The following DISC1 variants were observed in gnomAD, a reference collection of about 807,000 sequenced individuals.
DISC1 encodes the protein disrupted in schizophrenia 1 protein.
Under a neutral mutation model 84.5 loss-of-function variants are expected in DISC1, and 57 were observed. That is an observed-to-expected ratio of 0.67 (90% CI 0.55 to 0.84). The LOEUF (loss-of-function observed/expected upper bound fraction) is 0.84, where lower values mean the gene tolerates loss of function less well. Ranked by LOEUF, DISC1 falls within the 40% of genes least tolerant of loss-of-function variation. DISC1 has a pLI of 0.00. For synonymous variants in DISC1, 411 were observed against 415.2 expected (o/e 0.99, Z 0.12); for missense variants, 1,000 against 1,057.8 (o/e 0.95, Z 0.76).
Position 231,803,938 on chromosome 1 carries a change from C to T in DISC1, c.1792+3728C>T, listed in dbSNP as rs2079494975. On this transcript the variant is annotated intron_variant, in intron 8 of 12. Transcript: ENST00000439617. ...CTCCAGCCTGGGTGACAGAGCAAGA[C>T]TCCGTCTCAAAAAAAAAAAAAAAAA... 4.2e-5 allele frequency among the ~76,000 whole-genome samples: 4 copies of T among 95,492 alleles called. No individual in the cohort carries two copies. The Admixed American group carries it at 7.4e-4, about 18-fold the overall frequency. 62.6% of individuals were successfully genotyped at this position (95,492 alleles called of 152,430 possible).
chr1:231,787,003 C>T (rs1028756083), intron 6 of DISC1, among the ~76,000 whole-genome samples: 3 of 152,228 alleles, frequency 2.0e-5, no homozygotes, highest in African/African-American at 7.2e-5. Flanking sequence ...AGGACAGAGC[C>T]CTCTAATGTG....
intron 9 of DISC1, chr1:231,819,135 A>G (rs922061248): frequency 6.4e-5 from 63 of 986,174 alleles, no homozygotes; most frequent in Non-Finnish European, 7.3e-5. Context: ...ACGCTGGTTC[A>G]GTGCAAATTG....
intron 1 of DISC1, among the ~76,000 whole-genome samples, chr1:231,658,365 A>G (rs920761948): frequency 6.6e-6 from 1 of 152,328 alleles, no homozygotes; most frequent in Non-Finnish European, 1.5e-5. Context: ...TTATCAGCTT[A>G]AAAAGCTTTT....
At position 231,770,929 on chromosome 1, in the gene DISC1, A is replaced by C; in HGVS notation, c.1493A>C (p.Gln498Pro). Residue 498 changes from glutamine (Q) to proline (P), a missense_variant, in exon 6 of 13, where the codon CAG (glutamine) becomes CCG (proline). Gln to Pro is a moderately conservative substitution (Grantham distance 76). Around this residue, in one of 3 missense-constraint regions of DISC1, gnomAD observed 311 missense variants for 400.1 expected, o/e 0.78. Coordinates refer to ENST00000439617, the MANE Select transcript of DISC1 (RefSeq NM_018662.3). ...REIEEQEQQL[Q>P]WQGCDLTPLV... Reference sequence around the variant, plus strand: ...ATAGAGGAGCAAGAGCAGCAACTCCAGTGGCAGGGCTGCGACCTGACCCCA... The same window carrying C: ...ATAGAGGAGCAAGAGCAGCAACTCCCGTGGCAGGGCTGCGACCTGACCCCA... 1 of 1,614,222 alleles carries C rather than the reference A, an allele frequency of 6.2e-7. No individual in the cohort carries two copies.
chr1:231,678,235 G>T (rs1370459406), intron 1 of DISC1, among the ~76,000 whole-genome samples: 2 of 152,170 alleles, frequency 1.3e-5, no homozygotes, highest in Admixed American at 1.3e-4. Flanking sequence ...TAACAGAGGG[G>T]GATGGTCAGT....
chr1:231,719,569 A>G (rs114920984), intron 3 of DISC1, among the ~76,000 whole-genome samples: 5,257 of 152,248 alleles, frequency 0.035, 154 homozygotes, highest in African/African-American at 0.074. Flanking sequence ...ATAAAATGGG[A>G]TAATAGGGTT....
At chr1:231,737,420 A>C (rs528076824) in intron 3 of DISC1, among the ~76,000 whole-genome samples, 1 of 152,380 alleles carries the variant, frequency 6.6e-6, no homozygotes, top group Admixed American at 6.5e-5. Flanking sequence ...TATGTGCAGT[A>C]CACTTGTCAG....
At position 231,661,949 on chromosome 1, in the gene DISC1, T is replaced by C. The variant is rs114385644; in HGVS notation, c.68-31877T>C. ...GGGATTCTTTTTGTTGATCTTTTTGTTGTTGTTGTTTTCTGTTTGTTTTTC... is the reference window on the plus strand; with the variant it reads ...GGGATTCTTTTTGTTGATCTTTTTGCTGTTGTTGTTTTCTGTTTGTTTTTC... On this transcript the variant is annotated intron_variant, in intron 1 of 12. Transcript: ENST00000439617. Among the ~76,000 whole-genome samples, 439 of 152,286 alleles carry C rather than the reference T, an allele frequency of 2.9e-3. 2 individuals are homozygous for C. Among genetic ancestry groups the C allele is most frequent in the African/African-American group, 9.6e-3 (397 of 41,564 alleles).
chr1:231,800,471 G>GA (rs2079143262), intron 8 of DISC1, among the ~76,000 whole-genome samples: 2 of 152,162 alleles, frequency 1.3e-5, no homozygotes, highest in African/African-American at 2.4e-5. Context: ...GATTCTAGCA[G>GA]ATGTGTATGT....
chr1:231,946,377 T>G (rs1657205559), intron 9 of DISC1, among the ~76,000 whole-genome samples: 1 of 152,178 alleles, frequency 6.6e-6, no homozygotes, highest in Non-Finnish European at 1.5e-5. Context: ...ATTATCTCAA[T>G]AGGTGCAGAA....
intron 9 of DISC1, among the ~76,000 whole-genome samples, chr1:231,839,676 G>C (rs948590818): frequency 6.6e-6 from 1 of 152,198 alleles, no homozygotes; most frequent in Non-Finnish European, 1.5e-5. Flanking sequence ...CTGAGACAGG[G>C]TAATTTGTAA....
chr1:231,775,057 C>T (rs2076858486), intron 6 of DISC1, among the ~76,000 whole-genome samples: 1 of 152,078 alleles, frequency 6.6e-6, no homozygotes, highest in South Asian at 2.1e-4. Context: ...AACAGGAAAA[C>T]CTTGAAGTCT....
intron 3 of DISC1, among the ~76,000 whole-genome samples, chr1:231,738,413 GT>G (rs1223506579): frequency 1.1e-4 from 16 of 152,186 alleles, no homozygotes; most frequent in Non-Finnish European, 1.5e-5. Flanking sequence ...TGTCTTCCAT[GT>G]CCTTGAAAGT....
At chr1:232,036,623 T>G in intron 12 of DISC1, 69 bp from the exon 13 acceptor site, 11 of 1,403,092 alleles carry the variant, frequency 7.8e-6, no homozygotes, top group Non-Finnish European at 1.0e-5. Flanking sequence ...GCTCACACGC[T>G]CTTCGATCCC....
At chr1:232,034,942 C>G (rs113058768) in intron 12 of DISC1, among the ~76,000 whole-genome samples, 3,016 of 152,110 alleles carry the variant, frequency 0.02, 44 homozygotes, top group Middle Eastern at 0.071. Flanking sequence ...TCTTTCCTCC[C>G]CTGATCACCC....
chr1:231,974,848 C>T (rs891071706), intron 10 of DISC1, among the ~76,000 whole-genome samples: 1 of 152,160 alleles, frequency 6.6e-6, no homozygotes, highest in African/African-American at 2.4e-5. Flanking sequence ...CGCCTGTAAT[C>T]CCAGCACTTT....
chr1:231,783,875 T>C (rs1435744470), intron 6 of DISC1, among the ~76,000 whole-genome samples: 2 of 152,238 alleles, frequency 1.3e-5, no homozygotes. Context: ...CAGAAATCCT[T>C]ACGTTCATTT....
intron 10 of DISC1, among the ~76,000 whole-genome samples, chr1:231,963,477 G>A (rs1464821182): frequency 1.3e-5 from 2 of 152,224 alleles, no homozygotes; most frequent in Non-Finnish European, 2.9e-5. Context: ...CACAGGCATA[G>A]TTTGCTCCCC....
intron 9 of DISC1, among the ~76,000 whole-genome samples, chr1:231,926,165 G>A (rs1159769204): frequency 1.3e-5 from 2 of 152,210 alleles, no homozygotes; most frequent in South Asian, 2.1e-4. Context: ...CTCAGTTAAC[G>A]TACTGAAAAT....
Sources: gnomAD v4.1 joint callset for allele counts (sites outside exome capture counted in the v4.1 genomes callset) on GRCh38, gnomAD v4.1.1 for gene constraint, gnomAD v4.1.1 regional missense constraint, MANE v1.5 for transcripts, NCBI Gene and HGNC (gene_info 2026-07-23, HGNC 2026-07-21) for gene names.